The following SEMA6D variants were observed in gnomAD, a reference collection of about 807,000 sequenced individuals.
The protein encoded by SEMA6D is semaphorin-6D.
SEMA6D carries 35 observed loss-of-function variants against 106.6 expected under a neutral mutation model. That is an observed-to-expected ratio of 0.33 (90% CI 0.25 to 0.44). The LOEUF is 0.44. Ranked by LOEUF, SEMA6D falls within the 20% of genes least tolerant of loss-of-function variation. SEMA6D has a pLI of 1.00. For synonymous variants in SEMA6D, 499 were observed against 487.7 expected (o/e 1.02, Z -0.31); for missense variants, 1,185 against 1,345.9 (o/e 0.88, Z 1.87).
chr15:47,260,744 A>C (rs12441211), intron 1 of SEMA6D, among the ~76,000 whole-genome samples: 65,739 of 151,716 alleles, frequency 0.43, 16,462 homozygotes, highest in Non-Finnish European at 0.56. Flanking sequence ...GAGGGGAGGG[A>C]TGGAATGGGG....
chr15:47,672,590 C>T (rs2078159586), intron 4 of SEMA6D, among the ~76,000 whole-genome samples: 1 of 151,964 alleles, frequency 6.6e-6, no homozygotes, highest in South Asian at 2.1e-4. Context: ...TATTCTGTCA[C>T]CAGGTTGTAT....
At chr15:47,435,056 A>T (rs1017858175) in intron 2 of SEMA6D, among the ~76,000 whole-genome samples, 5 of 152,186 alleles carry the variant, frequency 3.3e-5, no homozygotes, top group Admixed American at 1.3e-4. Context: ...GCCAGATTTT[A>T]AACTTAACCA....
intron 1 of SEMA6D, among the ~76,000 whole-genome samples, chr15:47,302,124 CTG>C (rs1345693245): frequency 3.3e-5 from 5 of 152,226 alleles, no homozygotes; most frequent in African/African-American, 1.2e-4. Context: ...GTTAAAGAAA[CTG>C]AGGCTCAGAG....
At chr15:47,494,784 ATATAT>A (rs1290975881) in intron 3 of SEMA6D, among the ~76,000 whole-genome samples, 4 of 100,770 alleles carry the variant, frequency 4.0e-5, no homozygotes, top group African/African-American at 1.8e-4. Context: ...ATATATATAT[ATATAT>A]AATCTCCAGA....
At chr15:47,192,960 C>A (rs1894066150) in intron 1 of SEMA6D, among the ~76,000 whole-genome samples, 1 of 152,188 alleles carries the variant, frequency 6.6e-6, no homozygotes, top group African/African-American at 2.4e-5. Context: ...AAAGACATGA[C>A]AAATTAACTT....
intron 4 of SEMA6D, among the ~76,000 whole-genome samples, chr15:47,679,269 G>C (rs1462689945): frequency 6.6e-6 from 1 of 152,194 alleles, no homozygotes; most frequent in African/African-American, 2.4e-5. Flanking sequence ...AGAGCTGTTT[G>C]ACTGTGAGGG....
intron 3 of SEMA6D, among the ~76,000 whole-genome samples, chr15:47,564,256 C>G (rs532259538): frequency 6.6e-6 from 1 of 152,194 alleles, no homozygotes; most frequent in African/African-American, 2.4e-5. Flanking sequence ...GAGAAGAAAT[C>G]CCCTCCCTGG....
intron 2 of SEMA6D, among the ~76,000 whole-genome samples, chr15:47,461,669 T>C (rs2042515426): frequency 6.6e-6 from 1 of 152,100 alleles, no homozygotes; most frequent in African/African-American, 2.4e-5. Flanking sequence ...GAAATTTAAT[T>C]GCTTTCTGCT....
chr15:47,291,919 CTG>C (rs2035607739), intron 1 of SEMA6D, among the ~76,000 whole-genome samples: 1 of 152,188 alleles, frequency 6.6e-6, no homozygotes, highest in Admixed American at 6.5e-5. Context: ...AGTTTGGCCT[CTG>C]TTCTCGCGTG....
chr15:47,253,614 CTG>C (rs1163565629), intron 1 of SEMA6D, among the ~76,000 whole-genome samples: 8 of 152,218 alleles, frequency 5.3e-5, no homozygotes, highest in African/African-American at 1.9e-4. Flanking sequence ...ATTGAAAAGA[CTG>C]TCTTTTCCCC....
intron 1 of SEMA6D, among the ~76,000 whole-genome samples, chr15:47,746,790 A>G (rs1567065850): frequency 6.6e-6 from 1 of 152,108 alleles, no homozygotes; most frequent in Non-Finnish European, 1.5e-5. Context: ...TTTGTCTAGA[A>G]TGGCTCCTTT....
At chr15:47,294,802 C>A (rs1037577913) in intron 1 of SEMA6D, among the ~76,000 whole-genome samples, 1 of 152,086 alleles carries the variant, frequency 6.6e-6, no homozygotes, top group Admixed American at 6.6e-5. Flanking sequence ...GAAATGTATA[C>A]GTTGTTTAAA....
chr15:47,765,177 G>GT (rs370632184), intron 13 of SEMA6D, 121 bp downstream of exon 13: 48 of 1,438,204 alleles, frequency 3.3e-5, no homozygotes, highest in Middle Eastern at 2.4e-4. Context: ...AGTGTTTTGT[G>GT]TTTTTTTTCT....
intron 3 of SEMA6D, among the ~76,000 whole-genome samples, chr15:47,579,140 ATTT>A (rs34862760): frequency 0.13 from 16,367 of 129,362 alleles, 1,411 homozygotes; most frequent in African/African-American, 0.26. Flanking sequence ...AGAAATCTGT[ATTT>A]TTTTTTTTTT....
chr15:47,708,062 C>T (rs1278223880), intron 4 of SEMA6D, among the ~76,000 whole-genome samples: 1 of 152,064 alleles, frequency 6.6e-6, no homozygotes, highest in Admixed American at 6.6e-5. Context: ...CTGTCCTGAC[C>T]CCTACATTAG....
intron 3 of SEMA6D, among the ~76,000 whole-genome samples, chr15:47,522,248 AT>A (rs1388442751): frequency 6.6e-6 from 1 of 152,208 alleles, no homozygotes; most frequent in Non-Finnish European, 1.5e-5. Flanking sequence ...TTGTAATCAC[AT>A]TTCAAACTCA....
intron 4 of SEMA6D, among the ~76,000 whole-genome samples, chr15:47,640,763 A>G (rs2077474432): frequency 6.6e-6 from 1 of 152,150 alleles, no homozygotes; most frequent in Admixed American, 6.5e-5. Context: ...TTAACTAGTC[A>G]CAAAAAACAT....
intron 4 of SEMA6D, among the ~76,000 whole-genome samples, chr15:47,628,013 A>G (rs1057354850): frequency 6.6e-6 from 1 of 152,000 alleles, no homozygotes; most frequent in African/African-American, 2.4e-5. Flanking sequence ...TGCATGTATC[A>G]ATAATTTGTT....
At chr15:47,194,486 G>A (rs2140989900) in intron 1 of SEMA6D, among the ~76,000 whole-genome samples, 1 of 152,226 alleles carries the variant, frequency 6.6e-6, no homozygotes. Context: ...TGAGGTGGAA[G>A]TATTAAGGTG....
Sources: allele counts gnomAD v4.1 joint callset (sites outside exome capture counted in the v4.1 genomes callset), GRCh38; gene constraint gnomAD v4.1.1; transcripts MANE v1.5; gene names NCBI Gene and HGNC (gene_info 2026-07-23, HGNC 2026-07-21).